The following FAM193A variants were observed in gnomAD, a reference collection of about 807,000 sequenced individuals.
The protein encoded by FAM193A is family with sequence similarity 193 member A, also known as protein FAM193A.
In FAM193A, 22 loss-of-function variants were observed where a neutral mutation model predicts 126.5. The observed-to-expected ratio is 0.17, with a 90% CI of 0.12 to 0.25. The LOEUF (loss-of-function observed/expected upper bound fraction) is 0.25. Ranked by LOEUF, FAM193A falls within the 10% of genes least tolerant of loss-of-function variation. The pLI, the probability that FAM193A is intolerant of heterozygous loss-of-function variation, is 1.00. For synonymous variants in FAM193A, 761 were observed against 646.8 expected, an observed-to-expected ratio of 1.18 and a Z score of -2.68; for missense variants, 1,675 against 1,672.8, an observed-to-expected ratio of 1.00 and a Z score of -0.02.
At position 2,693,830 on chromosome 4, in the gene FAM193A, C is replaced by T. The variant is rs1577218611; in HGVS notation, c.3048C>T (p.Pro1016=). Residue 1016 remains proline (P), a synonymous_variant, in exon 16 of 21, where the codon CCC becomes CCT. Transcript: ENST00000637812. ...TRKSFCPAPL[P]PATDGSISAP... ...AGAGTTTCTGTCCTGCACCCCTACC[C>T]CCGGCCACAGATGGCTCCATTAGCG... The T allele has an allele frequency of 6.2e-7, 1 of 1,614,226 alleles. No individual in the cohort carries two copies.
At chr4:2,565,384 G>A (rs527634355) in intron 1 of FAM193A, among the ~76,000 whole-genome samples, 23 of 149,618 alleles carry the variant, frequency 1.5e-4, no homozygotes, top group South Asian at 4.2e-4. Flanking sequence ...TTCAGCCTCC[G>A]GAGTAGCTGG....
chr4:2,657,770 C>T (rs776889162), intron 7 of FAM193A, 33 bp from the exon 8 acceptor site: 5 of 1,489,312 alleles, frequency 3.4e-6, no homozygotes, highest in Non-Finnish European at 3.7e-6. Flanking sequence ...TAAAGTTTTT[C>T]TTTTTTTTCT....
chr4:2,586,410 G>T (rs1740240996), intron 1 of FAM193A, among the ~76,000 whole-genome samples: 2 of 151,810 alleles, frequency 1.3e-5, no homozygotes, highest in Admixed American at 6.6e-5. Context: ...TTTGTGTATG[G>T]TGTGAGATAG....
intron 13 of FAM193A, among the ~76,000 whole-genome samples, chr4:2,678,549 G>C (rs527659866): frequency 1.3e-5 from 2 of 152,028 alleles, no homozygotes; most frequent in African/African-American, 4.8e-5. Flanking sequence ...TTTTAGTAGA[G>C]ACGGGGTTTC....
chr4:2,643,697 T>A (rs371524891), intron 6 of FAM193A, among the ~76,000 whole-genome samples: 6 of 152,296 alleles, frequency 3.9e-5, no homozygotes, highest in South Asian at 2.1e-4. Flanking sequence ...CTGGGGGTGC[T>A]TTGGTCTGGA....
chr4:2,709,781 A>G lies in FAM193A; in HGVS notation c.4373-6242A>G, dbSNP rs535485244. Among the ~76,000 whole-genome samples the G allele has an allele frequency of 4.9e-4, 75 of 152,296 alleles. No individual in the cohort carries two copies. In the East Asian group the frequency reaches 5.8e-3, roughly 12 times the overall value. ...TTTTCAGTGATCTGGAACAATTCAC[A>G]TTGGGACCATCCAGGCTTTAAAGGT... On this transcript the variant is annotated intron_variant, in intron 19 of 20. Coordinates refer to ENST00000637812, the MANE Select transcript of FAM193A (RefSeq NM_001366318.2).
At chr4:2,603,725 C>G (rs1348741068) in intron 2 of FAM193A, among the ~76,000 whole-genome samples, 1 of 151,972 alleles carries the variant, frequency 6.6e-6, no homozygotes, top group Non-Finnish European at 1.5e-5. Flanking sequence ...TCCCAAAGTA[C>G]AGGTGTGAGT....
chr4:2,553,503 CCT>C (rs1738072975), intron 1 of FAM193A, among the ~76,000 whole-genome samples: 1 of 151,760 alleles, frequency 6.6e-6, no homozygotes, highest in African/African-American at 2.4e-5. Context: ...GCCTCAGCCC[CCT>C]GAGTAGCTGG....
intron 1 of FAM193A, among the ~76,000 whole-genome samples, chr4:2,590,463 C>CAAA (rs774897240): frequency 2.2e-4 from 3 of 13,572 alleles, no homozygotes; most frequent in Non-Finnish European, 1.4e-4. Flanking sequence ...GACTCCATCT[C>CAAA]AAAAAAAAAA....
intron 1 of FAM193A, among the ~76,000 whole-genome samples, chr4:2,548,081 T>TTG (rs1327524458): frequency 6.6e-6 from 1 of 151,422 alleles, no homozygotes; most frequent in African/African-American, 2.4e-5. Context: ...ATTTTTTTTT[T>TTG]TTTTTTTTGA....
At chr4:2,548,327 T>A (rs1737697626) in intron 1 of FAM193A, among the ~76,000 whole-genome samples, 1 of 152,140 alleles carries the variant, frequency 6.6e-6, no homozygotes, top group African/African-American at 2.4e-5. Flanking sequence ...CGCCTCGGCC[T>A]CCCAAAGTAC....
At chr4:2,652,096 C>G (rs1390318920) in intron 7 of FAM193A, among the ~76,000 whole-genome samples, 1 of 152,132 alleles carries the variant, frequency 6.6e-6, no homozygotes, top group Non-Finnish European at 1.5e-5. Flanking sequence ...GGCTGGTGGC[C>G]TCTGTGCCTG....
intron 13 of FAM193A, among the ~76,000 whole-genome samples, chr4:2,682,010 A>T (rs112081141): frequency 3.9e-5 from 5 of 126,932 alleles, no homozygotes; most frequent in Non-Finnish European, 6.4e-5. Flanking sequence ...TTTGAGACAG[A>T]GTCTTCCTCG....
chr4:2,658,191 A>G (rs1354267215), intron 8 of FAM193A, among the ~76,000 whole-genome samples: 1 of 152,180 alleles, frequency 6.6e-6, no homozygotes, highest in African/African-American at 2.4e-5. Flanking sequence ...TATGAGGCAG[A>G]TGGTGCCATC....
At chr4:2,535,423 G>C (rs78617945), upstream of FAM193A, among the ~76,000 whole-genome samples, 25 of 152,236 alleles carry the variant, frequency 1.6e-4, no homozygotes, top group Non-Finnish European at 2.9e-4. Context: ...CGCTGCAAGG[G>C]GAGCCTGGCA....
intron 18 of FAM193A, among the ~76,000 whole-genome samples, chr4:2,699,024 A>G (rs1717355656): frequency 6.6e-6 from 1 of 152,112 alleles, no homozygotes; most frequent in Non-Finnish European, 1.5e-5. Context: ...CAGCTTCCCA[A>G]ATAGCTGGGA....
chr4:2,536,280 C>T (rs1464478404), upstream of FAM193A, among the ~76,000 whole-genome samples: 1 of 151,616 alleles, frequency 6.6e-6, no homozygotes, highest in Non-Finnish European at 1.5e-5. Context: ...TAGCCCTACG[C>T]CCGACCACAA....
chr4:2,644,230 A>G (rs1163997612), intron 6 of FAM193A, among the ~76,000 whole-genome samples: 1 of 151,838 alleles, frequency 6.6e-6, no homozygotes, highest in Non-Finnish European at 1.5e-5. Context: ...TCCCCCACCC[A>G]CTTTGCTCTC....
chr4:2,615,451 T>G (rs1037052314), intron 2 of FAM193A, among the ~76,000 whole-genome samples: 1 of 152,212 alleles, frequency 6.6e-6, no homozygotes, highest in Non-Finnish European at 1.5e-5. Flanking sequence ...CAAAATATTT[T>G]ATAATTGCCT....
Sources: allele counts gnomAD v4.1 joint callset (sites outside exome capture counted in the v4.1 genomes callset), GRCh38; gene constraint gnomAD v4.1.1; transcripts MANE v1.5; gene names NCBI Gene and HGNC (gene_info 2026-07-23, HGNC 2026-07-21).